Variants in BNC2 observed in about 807,000 individuals in gnomAD.
The protein encoded by BNC2 is basonuclin zinc finger protein 2.
A neutral mutation model predicts 76.3 loss-of-function variants in BNC2; 20 were observed. The ratio of observed to expected loss-of-function variants is 0.26; its 90% CI spans 0.18 to 0.38. The LOEUF (loss-of-function observed/expected upper bound fraction) is 0.38. BNC2 is among the 10% of genes least tolerant of loss of function. The pLI is 1.00. For synonymous variants in BNC2, 582 were observed against 514.8 expected (o/e 1.13, Z -1.77); for missense variants, 1,382 against 1,399.8 (o/e 0.99, Z 0.20).
intron 1 of BNC2, among the ~76,000 whole-genome samples, chr9:16,757,385 C>T (rs1825416006): frequency 6.6e-6 from 1 of 152,192 alleles, no homozygotes; most frequent in Non-Finnish European, 1.5e-5. Context: ...TACTTTCTGG[C>T]TACCATCAGT....
intron 3 of BNC2, among the ~76,000 whole-genome samples, chr9:16,590,822 A>C (rs748843431): frequency 6.6e-6 from 1 of 152,020 alleles, no homozygotes; most frequent in African/African-American, 2.4e-5. Context: ...CACACACACA[A>C]AAGACGTCTA....
chr9:16,477,732 A>T (rs967233723), intron 5 of BNC2, among the ~76,000 whole-genome samples: 2 of 152,124 alleles, frequency 1.3e-5, no homozygotes, highest in East Asian at 3.8e-4. Context: ...CAAAAATTTG[A>T]TATCTCTATT....
chr9:16,628,843 G>T (rs1821076106), intron 3 of BNC2, among the ~76,000 whole-genome samples: 2 of 152,154 alleles, frequency 1.3e-5, no homozygotes, highest in Non-Finnish European at 2.9e-5. Context: ...CTGTTAAAGG[G>T]AAAGAAAGTC....
At chr9:16,668,691 G>T (rs577154110) in intron 3 of BNC2, among the ~76,000 whole-genome samples, 1 of 152,198 alleles carries the variant, frequency 6.6e-6, no homozygotes, top group Non-Finnish European at 1.5e-5. Context: ...GTATAATTTG[G>T]GTCTGCTGTA....
At chr9:16,521,354 A>G (rs1188608836) in intron 5 of BNC2, among the ~76,000 whole-genome samples, 1 of 152,192 alleles carries the variant, frequency 6.6e-6, no homozygotes, top group African/African-American at 2.4e-5. Context: ...CCGGAAATAA[A>G]AGGTCTAAGT....
At chr9:16,533,033 G>A (rs1414535483) in intron 5 of BNC2, among the ~76,000 whole-genome samples, 1 of 152,126 alleles carries the variant, frequency 6.6e-6, no homozygotes, top group African/African-American at 2.4e-5. Context: ...CAAAACTTAA[G>A]ACTTTATTTG....
chr9:16,786,447 A>G (rs567200177), intron 1 of BNC2, among the ~76,000 whole-genome samples: 1 of 152,338 alleles, frequency 6.6e-6, no homozygotes, highest in South Asian at 2.1e-4. Flanking sequence ...GGAAAAAAAA[A>G]GTCAGTCTCT....
intron 4 of BNC2, among the ~76,000 whole-genome samples, chr9:16,557,959 T>A (rs1818890534): frequency 6.6e-6 from 1 of 151,940 alleles, no homozygotes; most frequent in South Asian, 2.1e-4. Context: ...CTCCTGGGAC[T>A]CAGTCTCCCA....
At chr9:16,743,981 TTTGG>T (rs1351652850) in intron 1 of BNC2, among the ~76,000 whole-genome samples, 1 of 151,998 alleles carries the variant, frequency 6.6e-6, no homozygotes, top group Non-Finnish European at 1.5e-5. Flanking sequence ...TGTTTGTTTG[TTTGG>T]AGACGGAGTC....
chr9:16,556,052 C>T (rs951346061), intron 4 of BNC2, among the ~76,000 whole-genome samples: 1 of 152,054 alleles, frequency 6.6e-6, no homozygotes. Context: ...GTAATCCCAG[C>T]GCTGTGGGAG....
chr9:16,870,179 G>C (rs1174870003), intron 1 of BNC2, among the ~76,000 whole-genome samples: 4 of 145,390 alleles, frequency 2.8e-5, no homozygotes, highest in African/African-American at 1.0e-4. Flanking sequence ...ACGCCCAGCC[G>C]CCGGTCCCTC....
chr9:16,448,251 C>T (rs1251151756), intron 5 of BNC2, among the ~76,000 whole-genome samples: 2 of 152,254 alleles, frequency 1.3e-5, no homozygotes, highest in South Asian at 2.1e-4. Context: ...TGAGGCTTTA[C>T]ATTTCTAAAC....
At chr9:16,484,158 AT>A (rs1470059251) in intron 5 of BNC2, among the ~76,000 whole-genome samples, 2 of 152,134 alleles carry the variant, frequency 1.3e-5, no homozygotes, top group Admixed American at 1.3e-4. Context: ...CTGTTTACTT[AT>A]TAACTCTGTC....
Position 16,418,021 on chromosome 9 carries a change from CTTTG to C in BNC2, c.*964_*967del, listed in dbSNP as rs1004456048. 8 of 152,596 alleles carry C rather than the reference CTTTG, an allele frequency of 5.2e-5. No homozygotes were observed. The highest frequency in any genetic ancestry group is 3.8e-4 in the East Asian group (2 of 5,200). 9.5% of individuals were successfully genotyped at this position (152,596 alleles called of 1,614,324 possible). A position where few individuals can be genotyped will look rare whatever the true frequency, so the allele number is the denominator to read the frequency against. ...TGGCAGTTTTGTGTTAACACTAATA[CTTTG>C]TTTGGCATTTGTGCCCTATACTGAC... On this transcript the variant is annotated 3_prime_UTR_variant, in exon 7 of 7. Transcript: ENST00000380672.
At position 16,435,788 on chromosome 9, in the gene BNC2, G is replaced by A. The variant is rs772256262; in HGVS notation, c.2406C>T (p.Ala802=). 32 of 1,613,996 alleles carry A rather than the reference G, an allele frequency of 2.0e-5. No homozygotes were observed. The East Asian group carries it at 3.1e-4, about 16-fold the overall frequency. The change falls in exon 6 of 7, where the codon GCC becomes GCT. Residue 802 remains alanine (A), a synonymous_variant. Transcript: ENST00000380672. The stretch of plus-strand genomic sequence containing the variant: ...ACGATGTAAAGCTCTCATGCAAGGC[G>A]GCCATGCTGGCACCCCCACCATTGT... ...GLYNGGGASM[A]ALHESFTSSL...
intron 5 of BNC2, among the ~76,000 whole-genome samples, chr9:16,529,120 G>A (rs181635494): frequency 6.6e-6 from 1 of 152,236 alleles, no homozygotes; most frequent in East Asian, 1.9e-4. Flanking sequence ...GGATACACAG[G>A]ATGGTAGTTA....
At chr9:16,679,734 G>A (rs1481273222) in intron 3 of BNC2, among the ~76,000 whole-genome samples, 1 of 152,226 alleles carries the variant, frequency 6.6e-6, no homozygotes, top group African/African-American at 2.4e-5. Flanking sequence ...CCATGGAGAG[G>A]AAAAGGCAGG....
intron 5 of BNC2, among the ~76,000 whole-genome samples, chr9:16,507,697 G>T (rs1822661380): frequency 6.6e-6 from 1 of 152,068 alleles, no homozygotes; most frequent in African/African-American, 2.4e-5. Context: ...AAAGTGCTGG[G>T]ATTACAGGTG....
intron 1 of BNC2, among the ~76,000 whole-genome samples, chr9:16,813,313 T>G (rs1292083078): frequency 6.6e-6 from 1 of 150,932 alleles, no homozygotes; most frequent in African/African-American, 2.4e-5. Context: ...TCGCCCAGGC[T>G]GGAGTGCAGT....
Sources: gnomAD v4.1 joint callset for allele counts (sites outside exome capture counted in the v4.1 genomes callset) on GRCh38, gnomAD v4.1.1 for gene constraint, MANE v1.5 for transcripts, NCBI Gene and HGNC (gene_info 2026-07-23, HGNC 2026-07-21) for gene names.